The following MINDY3 variants were observed in gnomAD, a reference collection of about 807,000 sequenced individuals.
MINDY3 encodes ubiquitin carboxyl-terminal hydrolase MINDY-3.
In MINDY3, 38 loss-of-function variants were observed where a neutral mutation model predicts 69.2. The observed-to-expected ratio is 0.55, with a 90% CI of 0.42 to 0.72. The LOEUF is 0.72. Ranked by LOEUF, MINDY3 falls within the 30% of genes least tolerant of loss-of-function variation. The pLI is 0.00. For missense variants in MINDY3, 522 were observed against 519.0 expected, an observed-to-expected ratio of 1.01 and a Z score of -0.06; for synonymous variants, 192 against 180.1, an observed-to-expected ratio of 1.07 and a Z score of -0.53.
intron 14 of MINDY3, among the ~76,000 whole-genome samples, chr10:15,780,183 G>A (rs1017094975): frequency 2.6e-5 from 4 of 152,054 alleles, no homozygotes; most frequent in African/African-American, 9.7e-5. Flanking sequence ...ATCCTTAAAT[G>A]GTAGTTGCCT....
intron 14 of MINDY3, among the ~76,000 whole-genome samples, chr10:15,780,792 G>A (rs948422233): frequency 2.0e-5 from 3 of 152,060 alleles, no homozygotes; most frequent in African/African-American, 7.2e-5. Context: ...TTGTTGGTGT[G>A]TCAGAAGCTT....
At chr10:15,813,197 G>A (rs915521849) in intron 10 of MINDY3, among the ~76,000 whole-genome samples, 1 of 152,092 alleles carries the variant, frequency 6.6e-6, no homozygotes, top group African/African-American at 2.4e-5. Flanking sequence ...GTATCAAAGA[G>A]TAACATGGCC....
chr10:15,780,289 T>A (rs116581246), intron 14 of MINDY3, among the ~76,000 whole-genome samples: 1 of 152,186 alleles, frequency 6.6e-6, no homozygotes, highest in African/African-American at 2.4e-5. Flanking sequence ...TAAAGATACA[T>A]TGTAACGTGA....
intron 13 of MINDY3, among the ~76,000 whole-genome samples, chr10:15,785,665 T>G (rs369215319): frequency 9.8e-5 from 15 of 152,310 alleles, no homozygotes; most frequent in African/African-American, 3.4e-4. Context: ...TAGTCTACAT[T>G]GTCTACATTG....
At chr10:15,782,104 A>G (rs761607721) in intron 14 of MINDY3, 51 bp downstream of exon 14, 1 of 1,294,576 alleles carries the variant, frequency 7.7e-7, no homozygotes, top group Non-Finnish European at 1.1e-6. Context: ...ATACTCACAT[A>G]ATTATTTCAT....
At chr10:15,791,821 T>G (rs147208753) in intron 11 of MINDY3, among the ~76,000 whole-genome samples, 3,484 of 152,136 alleles carry the variant, frequency 0.023, 125 homozygotes, top group African/African-American at 0.077. Context: ...GAAACCTGAG[T>G]TGGGCTTTCA....
At chr10:15,817,765 G>T (rs1174341549) in intron 9 of MINDY3, 2 of 152,156 alleles carry the variant, frequency 1.3e-5, no homozygotes, top group African/African-American at 4.8e-5. Context: ...ATTCCAAGTG[G>T]CTGTTTGTGG....
At chr10:15,790,883 G>T (rs927242939) in intron 11 of MINDY3, among the ~76,000 whole-genome samples, 1 of 152,100 alleles carries the variant, frequency 6.6e-6, no homozygotes, top group East Asian at 1.9e-4. Context: ...CTGACAGCAT[G>T]TACTTTGTCA....
At chr10:15,838,639 T>C (rs539249660) in intron 4 of MINDY3, among the ~76,000 whole-genome samples, 2 of 151,798 alleles carry the variant, frequency 1.3e-5, no homozygotes, top group East Asian at 1.9e-4. Context: ...CCAAGTAATA[T>C]CATCAGAGCT....
chr10:15,846,354 T>A (rs996087212), intron 2 of MINDY3, among the ~76,000 whole-genome samples: 1 of 152,204 alleles, frequency 6.6e-6, no homozygotes, highest in African/African-American at 2.4e-5. Context: ...TTATATAATC[T>A]AATTTACATA....
chr10:15,830,954 C>T (rs1439837844), intron 8 of MINDY3, among the ~76,000 whole-genome samples: 1 of 152,056 alleles, frequency 6.6e-6, no homozygotes. Context: ...GGAAGAGAAT[C>T]ACATTTAATA....
intron 10 of MINDY3, among the ~76,000 whole-genome samples, chr10:15,810,282 TC>T (rs1453370105): frequency 5.3e-5 from 8 of 152,168 alleles, no homozygotes; most frequent in Admixed American, 3.9e-4. Flanking sequence ...ATTGTTCATT[TC>T]AAAAACAAAA....
At chr10:15,815,468 T>C (rs931458395) in intron 10 of MINDY3, among the ~76,000 whole-genome samples, 2 of 152,194 alleles carry the variant, frequency 1.3e-5, no homozygotes, top group Admixed American at 6.5e-5. Context: ...TTTATACCAC[T>C]TGTACTTTCT....
At chr10:15,802,198 C>T (rs74228708) in intron 10 of MINDY3, among the ~76,000 whole-genome samples, 2,763 of 152,070 alleles carry the variant, frequency 0.018, 193 homozygotes, top group East Asian at 0.18. Context: ...AGGGGGTTAG[C>T]ACCCCAACTC....
chr10:15,809,526 T>A (rs1407790659), intron 10 of MINDY3, among the ~76,000 whole-genome samples: 1 of 152,170 alleles, frequency 6.6e-6, no homozygotes, highest in African/African-American at 2.4e-5. Context: ...CAGACCTTTG[T>A]TCTGCCACAG....
Position 15,834,626 on chromosome 10 carries a change from C to G in MINDY3, c.577-10G>C, listed in dbSNP as rs201340917. On this transcript the variant is annotated splice_polypyrimidine_tract_variant and intron_variant, in intron 6 of 14. Transcript: ENST00000277632. ...TTATGTTTTCAATGCCCTAAAGAAA[C>G]AGAATTCATTGACTTATTTTAAAAA... 21 of 1,590,808 alleles carry G rather than the reference C, an allele frequency of 1.3e-5. No individual in the cohort carries two copies. The highest frequency in any genetic ancestry group is 1.8e-5 in the Non-Finnish European group (21 of 1,160,872).
chr10:15,851,036 A>C (rs1834248626), intron 1 of MINDY3, among the ~76,000 whole-genome samples: 1 of 152,196 alleles, frequency 6.6e-6, no homozygotes, highest in African/African-American at 2.4e-5. Flanking sequence ...TCATCAGTAC[A>C]GGCTAGTTCC....
At chr10:15,849,558 A>T (rs563819219) in intron 1 of MINDY3, among the ~76,000 whole-genome samples, 8 of 152,296 alleles carry the variant, frequency 5.3e-5, no homozygotes, top group African/African-American at 1.9e-4. Context: ...ACCGTGGAGA[A>T]GAGAAACTAC....
intron 9 of MINDY3, among the ~76,000 whole-genome samples, chr10:15,821,441 A>C (rs1030529844): frequency 2.0e-5 from 3 of 152,172 alleles, no homozygotes; most frequent in Non-Finnish European, 4.4e-5. Context: ...TCCGACAAAA[A>C]TAACAACAGA....
Sources: allele counts gnomAD v4.1 joint callset (sites outside exome capture counted in the v4.1 genomes callset), GRCh38; gene constraint gnomAD v4.1.1; transcripts MANE v1.5; gene names NCBI Gene and HGNC (gene_info 2026-07-23, HGNC 2026-07-21).